The following RPH3A variants were observed in gnomAD, a reference collection of about 807,000 sequenced individuals.
RPH3A encodes the protein rabphilin 3A, also known as rabphilin-3A.
A neutral mutation model predicts 102.2 loss-of-function variants in RPH3A; 48 were observed. That is an observed-to-expected ratio of 0.47 (90% confidence interval 0.37 to 0.60). RPH3A has a LOEUF of 0.60. Among genes scored for constraint, RPH3A ranks in the 20% least tolerant of loss-of-function variants. The pLI is 0.00. For synonymous variants in RPH3A, 310 were observed against 324.3 expected (o/e 0.96, Z 0.47); for missense variants, 781 against 910.1 (o/e 0.86, Z 1.83).
At chr12:112,762,736 T>C (rs948278219) in intron 1 of RPH3A, among the ~76,000 whole-genome samples, 3 of 152,240 alleles carry the variant, frequency 2.0e-5, no homozygotes, top group African/African-American at 7.2e-5. Context: ...TCATTCTTGC[T>C]AGGGGCAAGG....
intron 1 of RPH3A, among the ~76,000 whole-genome samples, chr12:112,716,545 GGCA>G (rs2040514445): frequency 6.6e-6 from 1 of 152,220 alleles, no homozygotes; most frequent in African/African-American, 2.4e-5. Flanking sequence ...CTGGGTTCAA[GGCA>G]TTGGCTCTAG....
intron 1 of RPH3A, among the ~76,000 whole-genome samples, chr12:112,578,879 T>C (rs2039377106): frequency 6.6e-6 from 1 of 152,178 alleles, no homozygotes; most frequent in East Asian, 1.9e-4. Flanking sequence ...ATCATTACCA[T>C]GAAAAATTAC....
At chr12:112,759,854 C>T (rs940898964) in intron 1 of RPH3A, among the ~76,000 whole-genome samples, 1 of 152,084 alleles carries the variant, frequency 6.6e-6, no homozygotes, top group Non-Finnish European at 1.5e-5. Context: ...TCAGCACACC[C>T]CAGGACACCC....
chr12:112,829,988 A>G (rs1447418833), intron 3 of RPH3A, among the ~76,000 whole-genome samples: 1 of 152,164 alleles, frequency 6.6e-6, no homozygotes, highest in Non-Finnish European at 1.5e-5. Flanking sequence ...TTGAAATGGG[A>G]ATGCCTTTCT....
chr12:112,827,149 G>A (rs150977350), intron 2 of RPH3A, among the ~76,000 whole-genome samples: 11 of 152,114 alleles, frequency 7.2e-5, no homozygotes, highest in African/African-American at 2.4e-4. Context: ...ACAGAGTTGT[G>A]GATCCATCAC....
chr12:112,874,767 A>C (rs2042765294), intron 10 of RPH3A: 1 of 303,390 alleles, frequency 3.3e-6, no homozygotes, highest in South Asian at 6.3e-5. Flanking sequence ...CAGCTAAGTG[A>C]TTATCTCCAT....
intron 1 of RPH3A, among the ~76,000 whole-genome samples, chr12:112,747,828 C>G (rs959186802): frequency 1.3e-5 from 2 of 152,220 alleles, no homozygotes; most frequent in Admixed American, 6.5e-5. Context: ...GGTGACTGCT[C>G]CAAGTGAACA....
intron 2 of RPH3A, among the ~76,000 whole-genome samples, chr12:112,822,761 A>T (rs2041803339): frequency 6.6e-6 from 1 of 152,238 alleles, no homozygotes; most frequent in Non-Finnish European, 1.5e-5. Flanking sequence ...CAGTTATCCC[A>T]TCTGTAAAAT....
intron 1 of RPH3A, among the ~76,000 whole-genome samples, chr12:112,627,271 C>T (rs1032920989): frequency 1.3e-5 from 2 of 150,846 alleles, no homozygotes; most frequent in Non-Finnish European, 2.9e-5. Context: ...ATTATGATCA[C>T]ATGCAATACA....
chr12:112,613,519 AT>A (rs746699999), intron 1 of RPH3A, among the ~76,000 whole-genome samples: 6 of 152,172 alleles, frequency 3.9e-5, no homozygotes, highest in Admixed American at 2.0e-4. Context: ...TGCAGATGTG[AT>A]TAAGGATCTT....
At chr12:112,714,950 C>T (rs2040503923) in intron 1 of RPH3A, among the ~76,000 whole-genome samples, 1 of 152,200 alleles carries the variant, frequency 6.6e-6, no homozygotes, top group Non-Finnish European at 1.5e-5. Flanking sequence ...TTCTTCTCTG[C>T]TGATCCAAAT....
intron 1 of RPH3A, among the ~76,000 whole-genome samples, chr12:112,576,143 G>A (rs954787257): frequency 6.6e-6 from 1 of 152,230 alleles, no homozygotes; most frequent in Non-Finnish European, 1.5e-5. Context: ...AGGTAGGCAA[G>A]GTGAAAGTCA....
intron 1 of RPH3A, among the ~76,000 whole-genome samples, chr12:112,585,492 C>T (rs1292679287): frequency 2.6e-5 from 4 of 152,112 alleles, no homozygotes; most frequent in Admixed American, 6.5e-5. Flanking sequence ...CCCAGCACTT[C>T]GGGAGTTCGA....
In RPH3A at chr12:112,875,699, C is replaced by A. The variant is rs768613767; in HGVS notation, c.904C>A (p.Pro302Thr). The A allele has an allele frequency of 1.4e-5, 23 of 1,613,908 alleles. No individual in the cohort carries two copies. The highest frequency in any genetic ancestry group is 1.9e-5 in the Non-Finnish European group (23 of 1,179,918). ...GQPGTPGGSR[P>T]GPGPAGRFPD... ...CTCAGGGACCCCAGGAGGAAGCAGA[C>A]CGGGTCCTGGGCCAGCAGGACGCTT... The change falls in exon 12 of 22, where the codon CCG (proline) becomes ACG (threonine). Residue 302 changes from proline to threonine, a missense_variant. Around this residue, in one of 2 missense-constraint regions of RPH3A, gnomAD observed 730 missense variants for 810.0 expected, o/e 0.90. Coordinates refer to ENST00000389385, the MANE Select transcript of RPH3A (RefSeq NM_001143854.2).
chr12:112,658,004 G>T (rs1365958001), intron 1 of RPH3A, among the ~76,000 whole-genome samples: 6 of 152,120 alleles, frequency 3.9e-5, no homozygotes, highest in Non-Finnish European at 8.8e-5. Context: ...CTGAGGCAGT[G>T]TGAGCAAGAG....
chr12:112,827,826 A>G, intron 2 of RPH3A, among the ~76,000 whole-genome samples: 1 of 151,980 alleles, frequency 6.6e-6, no homozygotes, highest in Non-Finnish European at 1.5e-5. Flanking sequence ...GCAGCAAACC[A>G]CTATGGCACA....
chr12:112,599,996 G>A (rs968332082), intron 1 of RPH3A, among the ~76,000 whole-genome samples: 14 of 152,162 alleles, frequency 9.2e-5, no homozygotes, highest in African/African-American at 3.4e-4. Context: ...TTGCTGTGAG[G>A]ACTGAGTGAG....
chr12:112,883,287 C>A lies in RPH3A; in HGVS notation c.1327-6C>A, dbSNP rs748262040. ...GGTGTCTCTGTCCATCTCTCTCGGG[C>A]TCTAGTCCAACAAGCTTCGTACAAA... On this transcript the variant is annotated splice_region_variant and splice_polypyrimidine_tract_variant and intron_variant, in intron 15 of 21. Coordinates refer to ENST00000389385, the MANE Select transcript of RPH3A (RefSeq NM_001143854.2). 3.1e-6 allele frequency: 5 copies of A among 1,611,586 alleles called. No homozygotes were observed. In the Admixed American group the frequency reaches 6.7e-5, roughly 21 times the overall value.
At chr12:112,680,808 A>G (rs972795532) in intron 1 of RPH3A, among the ~76,000 whole-genome samples, 4 of 152,120 alleles carry the variant, frequency 2.6e-5, no homozygotes, top group African/African-American at 9.7e-5. Context: ...TGGTTCAGTT[A>G]GCATCCTGCA....
Sources: gnomAD v4.1 joint callset for allele counts (sites outside exome capture counted in the v4.1 genomes callset) on GRCh38, gnomAD v4.1.1 for gene constraint, gnomAD v4.1.1 regional missense constraint, MANE v1.5 for transcripts, NCBI Gene and HGNC (gene_info 2026-07-23, HGNC 2026-07-21) for gene names.